The following MIB2 variants were observed in gnomAD, a reference collection of about 807,000 sequenced individuals.
The protein encoded by MIB2 is E3 ubiquitin-protein ligase MIB2.
Under a neutral mutation model 96.6 loss-of-function variants are expected in MIB2, and 78 were observed. The ratio of observed to expected loss-of-function variants is 0.81; its 90% CI spans 0.67 to 0.97. The LOEUF is 0.97. Ranked by LOEUF, MIB2 falls within the 50% of genes least tolerant of loss-of-function variation. MIB2 has a pLI of 0.00. For missense variants in MIB2, 1,543 were observed against 1,424.0 expected (o/e 1.08, Z -1.35); for synonymous variants, 820 against 629.5 (o/e 1.30, Z -4.53).
chr1:1,629,064 G>A, intron 16 of MIB2, 69 bp from the exon 17 acceptor site: 3 of 1,357,548 alleles, frequency 2.2e-6, no homozygotes, highest in African/African-American at 1.5e-5. Flanking sequence ...GGGCTGCCAG[G>A]TGCCAGGAGA....
Position 1,626,874 on chromosome 1 carries a change from G to A in MIB2, c.1115G>A (p.Gly372Glu), listed in dbSNP as rs746870748. 1.2e-6 allele frequency: 2 copies of A among 1,605,200 alleles called. No homozygotes were observed. The highest frequency in any genetic ancestry group is 1.1e-5 in the South Asian group (1 of 90,986). The change falls in exon 10 of 20, where the codon GGA (glycine) becomes GAA (glutamate). Residue 372 changes from glycine (G) to glutamate (E), a missense_variant. Gly to Glu is a moderately conservative substitution (Grantham distance 98). Coordinates refer to ENST00000355826, the MANE Select transcript of MIB2 (RefSeq NM_001170687.4). This position sits in a 1 kb window ranked among gnomAD's most constrained non-coding sequence, Gnocchi z 5.3. ...GRVGKVVKVF[G>E]DGNLRVAVAG... ...GTCGGGAAGGTGGTGAAAGTGTTTG[G>A]AGACGGGAACCTGCGTGTAGCAGTC... is the stretch of plus-strand genomic sequence containing the variant.
upstream of MIB2, chr1:1,615,370 G>A: frequency 7.0e-7 from 1 of 1,420,760 alleles, no homozygotes; most frequent in Non-Finnish European, 9.1e-7. Flanking sequence ...TCGGAACCTA[G>A]CTGCGCCACG....
chr1:1,619,753 G>C (rs1644086346), intron 2 of MIB2, among the ~76,000 whole-genome samples: 1 of 152,204 alleles, frequency 6.6e-6, no homozygotes, highest in South Asian at 2.1e-4. Flanking sequence ...CTCAGCAAGT[G>C]GGGGGCTGGT....
intron 2 of MIB2, 109 bp downstream of exon 2, chr1:1,616,723 G>T (rs1643744012): frequency 3.8e-6 from 3 of 791,738 alleles, no homozygotes; most frequent in East Asian, 3.1e-5. Flanking sequence ...GCATGCATGC[G>T]AGTGGAGGGG....
At chr1:1,624,240 C>A in intron 4 of MIB2, 1 of 486,422 alleles carries the variant, frequency 2.1e-6, no homozygotes. Flanking sequence ...GAGGCTGCTG[C>A]GCTCTGGTCC....
At position 1,623,411 on chromosome 1, in the gene MIB2, A is replaced by ACGGACCCC. The variant is rs1489170475; in HGVS notation, c.-22-20_-22-19insCGGACCCC. 10 of 1,601,076 alleles carry ACGGACCCC rather than the reference A, an allele frequency of 6.2e-6. No individual in the cohort carries two copies. In the African/African-American group the frequency reaches 8.1e-5, roughly 13 times the overall value. On this transcript the variant is annotated intron_variant, in intron 2 of 19. Coordinates refer to ENST00000355826, the MANE Select transcript of MIB2 (RefSeq NM_001170687.4). ...CAGGTCCCGAGCAGCCCGGCCCACC[A>ACGGACCCC]TGGACCCCTCTGCCCACAGGTCCCG...
chr1:1,615,427 T>C (rs1643495374), upstream of MIB2: 2 of 1,489,420 alleles, frequency 1.3e-6, no homozygotes, highest in Non-Finnish European at 8.8e-7. Context: ...TTCCGGTGCT[T>C]GCCCTGCCCA....
rs114397532 is a variant in MIB2 at position 1,624,846 on chromosome 1, C to T, written c.471C>T (p.Ile157=). 9.7e-4 allele frequency: 1,560 copies of T among 1,613,156 alleles called. 13 individuals are homozygous for T. In the African/African-American group the frequency reaches 0.018, roughly 18 times the overall value. ...QGLPRIPLRG[I]FQGAKVVRGP... ...TCCCGAGGATCCCACTAAGGGGCAT[C>T]TTCCAGGGAGCGAAGGTGGTGCGAG... The change falls in exon 5 of 20, where the codon ATC becomes ATT. Residue 157 remains isoleucine (I), a synonymous_variant. Coordinates refer to ENST00000355826, the MANE Select transcript of MIB2 (RefSeq NM_001170687.4).
chr1:1,625,049 C>A lies in MIB2; in HGVS notation c.585C>A (p.Gly195=). 6.2e-7 allele frequency: 1 copy of A among 1,613,214 alleles called. No individual in the cohort carries two copies. The highest frequency in any genetic ancestry group is 2.2e-5 in the East Asian group (1 of 44,876). Residue 195 remains glycine, a synonymous_variant, in exon 6 of 20, where the codon GGC becomes GGA. Coordinates refer to ENST00000355826, the MANE Select transcript of MIB2 (RefSeq NM_001170687.4). The surrounding 1 kb of genome is among the most constrained non-coding windows in gnomAD (Gnocchi z 5.0). ...TCCGTGGCTGGGATGTGGAGACAGG[C>A]CGGAGTGTGGCCAGCGTGACGTGGG... The part of the protein sequence containing the change: ...VDIRGWDVET[G]RSVASVTWAD...
At position 1,628,395 on chromosome 1, in the gene MIB2, G is replaced by A. The variant is rs770487942; in HGVS notation, c.1964G>A (p.Arg655Gln). ...CGCGAGGTGGCCCAGATCCTCATCC[G>A]GGAGGTGCGGACGCGGCCCAGTCCT... Reference protein sequence around the residue: ...NHREVAQILIREGRCDVNVRN... With the variant: ...NHREVAQILIQEGRCDVNVRN... The change falls in exon 15 of 20, where the codon CGG (arginine) becomes CAG (glutamine). Residue 655 changes from arginine (R) to glutamine (Q), a missense_variant. Coordinates refer to ENST00000355826, the MANE Select transcript of MIB2 (RefSeq NM_001170687.4). 7.4e-6 allele frequency: 12 copies of A among 1,611,678 alleles called. No homozygotes were observed. Among genetic ancestry groups the A allele is most frequent in the Admixed American group, 6.7e-5 (4 of 59,936 alleles).
rs765388187 is a variant in MIB2, at chr1:1,629,180, G to T, written c.2250G>T (p.Ala750=). The T allele has an allele frequency of 8.0e-6, 12 of 1,507,712 alleles. No homozygotes were observed. Among genetic ancestry groups the T allele is most frequent in the Non-Finnish European group, 1.1e-5 (12 of 1,136,260 alleles). The allele number at this position is 1,507,712 out of a possible 1,614,324, so 93.4% of individuals were successfully genotyped here. ...LPGSAELTVG[A]AVACFLALEG... is the part of the protein sequence containing the mutation. ...GCAGCGCGGAGCTGACGGTGGGCGC[G>T]GCGGTCGCCTGCTTCCTGGCGCTGG... Residue 750 remains alanine, a synonymous_variant, in exon 17 of 20, where the codon GCG becomes GCT. Transcript: ENST00000355826.
intron 1 of MIB2, 164 bp downstream of exon 1, chr1:1,615,797 C>T (rs1468522326): frequency 7.6e-7 from 1 of 1,318,222 alleles, no homozygotes; most frequent in African/African-American, 1.6e-5. Flanking sequence ...GGGCTGCGCG[C>T]GCAGCGCCGC....
At position 1,629,286 on chromosome 1, in the gene MIB2, C is replaced by T. The variant is rs764277280; in HGVS notation, c.2356C>T (p.Leu786Phe). Residue 786 changes from leucine (L) to phenylalanine (F), a missense_variant, in exon 17 of 20, where the codon CTT becomes TTT. By Grantham distance (22) the Leu-to-Phe change is conservative. Coordinates refer to ENST00000355826, the MANE Select transcript of MIB2 (RefSeq NM_001170687.4). ...CGCCGAGGGTCGCGTGCTCAAGGCC[C>T]TTCAGGGCTGCGCCCAGCGCTTCCG... Reference protein sequence around the residue: ...LAAEGRVLKALQGCAQRFRER... With the variant: ...LAAEGRVLKAFQGCAQRFRER... The T allele has an allele frequency of 1.3e-6, 2 of 1,528,058 alleles. No homozygotes were observed. The highest frequency in any genetic ancestry group is 1.4e-5 in the African/African-American group (1 of 69,254). The allele number at this position is 1,528,058 out of a possible 1,614,324, so 94.7% of individuals were successfully genotyped here. A position where few individuals can be genotyped will look rare whatever the true frequency, so the allele number is the denominator to read the frequency against.
chr1:1,621,216 CAT>C, intron 2 of MIB2, among the ~76,000 whole-genome samples: 2 of 152,256 alleles, frequency 1.3e-5, no homozygotes, highest in African/African-American at 4.8e-5. Flanking sequence ...CACAGGGGCC[CAT>C]GGGGAGGGCC....
chr1:1,614,215 C>T (rs977084610), upstream of MIB2: 3 of 152,254 alleles, frequency 2.0e-5, no homozygotes, highest in Non-Finnish European at 4.4e-5. Flanking sequence ...AATCCCTAAA[C>T]AAATGGAGTC....
chr1:1,628,015 G>A lies in MIB2; in HGVS notation c.1681-4G>A, dbSNP rs773226030. 8.7e-6 allele frequency: 14 copies of A among 1,612,222 alleles called. No homozygotes were observed. In the Admixed American group the frequency reaches 1.5e-4, roughly 17 times the overall value. On this transcript the variant is annotated splice_polypyrimidine_tract_variant and splice_region_variant and intron_variant, in intron 13 of 19. Transcript: ENST00000355826. ...CCAGGTGACCACTGACTCCGCCCCA[G>A]CAGGACGCCCACTCGGACACGCCCC... is the stretch of plus-strand genomic sequence containing the variant.
chr1:1,628,409 C>T lies in MIB2; in HGVS notation c.1968+10C>T, dbSNP rs74892851. 7.5e-6 allele frequency: 12 copies of T among 1,608,998 alleles called. No individual in the cohort carries two copies. The highest frequency in any genetic ancestry group is 4.5e-5 in the East Asian group (2 of 44,842). On this transcript the variant is annotated intron_variant, in intron 15 of 19. Transcript: ENST00000355826. Reference sequence around the variant, plus strand: ...GATCCTCATCCGGGAGGTGCGGACGCGGCCCAGTCCTGCCCAAGGACCGGG... The same window carrying T: ...GATCCTCATCCGGGAGGTGCGGACGTGGCCCAGTCCTGCCCAAGGACCGGG...
At chr1:1,613,819 C>T (rs919554699), upstream of MIB2, 1 of 152,164 alleles carries the variant, frequency 6.6e-6, no homozygotes, top group Non-Finnish European at 1.5e-5. Context: ...AGGAGACAGA[C>T]AAAGTGAGTC....
chr1:1,629,098 C>A, intron 16 of MIB2, 35 bp from the exon 17 acceptor site: 3 of 1,413,432 alleles, frequency 2.1e-6, no homozygotes, highest in South Asian at 1.5e-5. Context: ...CCTGCCCCGG[C>A]GCCCGCCCTC....
Sources: gnomAD v4.1 joint callset for allele counts (sites outside exome capture counted in the v4.1 genomes callset) on GRCh38, gnomAD v4.1.1 for gene constraint, Gnocchi (gnomAD v3.1) non-coding constraint, MANE v1.5 for transcripts, NCBI Gene and HGNC (gene_info 2026-07-23, HGNC 2026-07-21) for gene names.